XIST: variants seen among roughly 807,000 people sequenced by gnomAD.
The protein encoded by XIST is X inactive specific transcript.
chrX:73,850,320 T>C (rs756698325), exon 1 of XIST: 3 of 540,911 alleles, frequency 5.5e-6, no homozygotes. Context: ...CTAAAAACTT[T>C]AAGGAATTTT....
chrX:73,821,757 A>T (rs755816128), exon 6 of XIST: 14 of 513,604 alleles, frequency 2.7e-5, no homozygotes, highest in East Asian at 1.1e-4. Flanking sequence ...GAGAAATTTT[A>T]AAAAAATTTT....
chrX:73,837,931 A>G (rs1419471216), intron 1 of XIST, among the ~76,000 whole-genome samples: 1 of 111,614 alleles, frequency 9.0e-6, no homozygotes, highest in East Asian at 2.8e-4. Flanking sequence ...GTTAAAATAT[A>G]CAAGGCCCAA....
At chrX:73,848,139 G>A in exon 1 of XIST, 1 of 558,874 alleles carries the variant, frequency 1.8e-6, no homozygotes, top group Non-Finnish European at 3.2e-6. Flanking sequence ...AATGCTAAGA[G>A]GGTGTGAGCA....
At chrX:73,831,387 T>C (rs1922377125) in intron 3 of XIST, 2 of 424,200 alleles carry the variant, frequency 4.7e-6, no homozygotes, top group Non-Finnish European at 4.1e-6. Context: ...TTCATGTGGA[T>C]TGAAGAGTGG....
At chrX:73,824,491 A>G (rs1922204118) in exon 6 of XIST, 1 of 556,310 alleles carries the variant, frequency 1.8e-6, no homozygotes, top group Admixed American at 2.2e-5. Flanking sequence ...TGCCTTTAAC[A>G]GTGAGTTCAC....
In XIST at chrX:73,843,596, T is replaced by C. The variant is rs770386223; in HGVS notation, n.9128A>G. 3 of 557,256 alleles carry C rather than the reference T, an allele frequency of 5.4e-6. No individual in the cohort carries two copies. In the African/African-American group the frequency reaches 6.7e-5, roughly 12 times the overall value. 45.9% of individuals were successfully genotyped at this position (557,256 alleles called of 1,213,427 possible). A position where few individuals can be genotyped will look rare whatever the true frequency, so the allele number is the denominator to read the frequency against. ...TAGTCTAAAAGAAGAGGTGGACAAT[T>C]GCATTAATGCATATTAAGTCCAAAA... On this transcript the variant is annotated non_coding_transcript_exon_variant, in exon 1 of 6. Transcript: ENST00000429829.
In XIST at chrX:73,830,165, T is replaced by C. The variant is rs757613912; in HGVS notation, n.11752+901A>G. On this transcript the variant is annotated intron_variant and non_coding_transcript_variant, in intron 4 of 5. Transcript: ENST00000429829. ...AGAAGAAGAAGAAGAAAAAGAAAAT[T>C]CACATAGACTACTGGCCCTAGGAGA... is the stretch of plus-strand genomic sequence containing the variant. Among the ~76,000 whole-genome samples the C allele has an allele frequency of 4.5e-5, 5 of 111,160 alleles. No individual in the cohort carries two copies. The South Asian group carries it at 1.9e-3, about 43-fold the overall frequency.
chrX:73,823,366 T>C (rs1371133044), exon 6 of XIST: 1 of 509,080 alleles, frequency 2.0e-6, no homozygotes, highest in Admixed American at 2.7e-5. Flanking sequence ...GGGCCAGACC[T>C]ATTTAATTTA....
At chrX:73,849,913 A>G in exon 1 of XIST, 1 of 535,771 alleles carries the variant, frequency 1.9e-6, no homozygotes, top group East Asian at 3.4e-5. Context: ...CTGGGGCTAG[A>G]CTAGGGGTTT....
chrX:73,847,582 T>C (rs1392581000), exon 1 of XIST: 1 of 512,515 alleles, frequency 2.0e-6, no homozygotes, highest in African/African-American at 2.3e-5. Flanking sequence ...CCCCCTTCTA[T>C]GATGCTGAGA....
exon 6 of XIST, chrX:73,827,749 G>A: frequency 3.7e-6 from 2 of 546,977 alleles, no homozygotes; most frequent in Non-Finnish European, 6.6e-6. Flanking sequence ...AAGGAGACAT[G>A]AAATAAAGCG....
chrX:73,852,154 A>G, exon 1 of XIST: 1 of 534,600 alleles, frequency 1.9e-6, no homozygotes, highest in Non-Finnish European at 3.3e-6. Flanking sequence ...CAAAAAAAGA[A>G]AATTTTTAAA....
chrX:73,837,758 A>C (rs957853002), intron 1 of XIST, among the ~76,000 whole-genome samples: 1 of 111,548 alleles, frequency 9.0e-6, no homozygotes, highest in South Asian at 3.7e-4. Context: ...CTGAAGACTT[A>C]TAAGACACAG....
At chrX:73,831,900 A>G (rs1267426265) in intron 3 of XIST, among the ~76,000 whole-genome samples, 1 of 112,351 alleles carries the variant, frequency 8.9e-6, no homozygotes, top group Non-Finnish European at 1.9e-5. Flanking sequence ...CCATGCCATA[A>G]TATTGCCAAG....
exon 6 of XIST, chrX:73,821,955 T>C (rs1228728376): frequency 3.6e-6 from 2 of 557,604 alleles, no homozygotes; most frequent in South Asian, 2.2e-5. Context: ...TGAGAAATCA[T>C]GTCTCCATCT....
exon 6 of XIST, chrX:73,823,533 T>C (rs1293882013): frequency 3.6e-6 from 2 of 555,324 alleles, no homozygotes; most frequent in Non-Finnish European, 6.5e-6. Context: ...GATGCTTTGT[T>C]TATCAAATGA....
exon 1 of XIST, chrX:73,843,666 G>A (rs757447044): frequency 3.6e-6 from 2 of 558,536 alleles, no homozygotes; most frequent in Non-Finnish European, 6.5e-6. Flanking sequence ...TAAAGCAAAG[G>A]TGGTACAGGA....
intron 1 of XIST, among the ~76,000 whole-genome samples, chrX:73,840,618 T>C (rs1443966283): frequency 9.0e-6 from 1 of 111,293 alleles, no homozygotes; most frequent in Non-Finnish European, 1.9e-5. Context: ...GGCAAAAAGG[T>C]TCCAAACTTA....
exon 1 of XIST, chrX:73,849,243 C>A (rs776672717): frequency 7.5e-5 from 42 of 557,335 alleles, no homozygotes; most frequent in Non-Finnish European, 1.4e-4. Flanking sequence ...CAGCAAAAAG[C>A]GCAGTAGGGT....
Sources: allele counts gnomAD v4.1 joint callset (sites outside exome capture counted in the v4.1 genomes callset), GRCh38; gene constraint gnomAD v4.1.1; transcripts MANE v1.5; gene names NCBI Gene and HGNC (gene_info 2026-07-23, HGNC 2026-07-21).